Variants in FBXW7 observed in about 807,000 individuals in gnomAD.
FBXW7 encodes the protein F-box/WD repeat-containing protein 7.
A neutral mutation model predicts 86.3 loss-of-function variants in FBXW7; 11 were observed. The observed-to-expected ratio is 0.13, with a 90% CI of 0.08 to 0.21. FBXW7 has a LOEUF of 0.21. FBXW7 is among the 10% of genes least tolerant of loss of function. The probability of loss-of-function intolerance (pLI) is 1.00; values close to 1 mark genes in which losing one functional copy is unlikely to be tolerated. For missense variants in FBXW7, 488 were observed against 847.4 expected, an observed-to-expected ratio of 0.58 and a Z score of 5.27; for synonymous variants, 313 against 297.9, an observed-to-expected ratio of 1.05 and a Z score of -0.52.
intron 4 of FBXW7, among the ~76,000 whole-genome samples, chr4:152,407,306 C>T (rs1265853533): frequency 6.6e-6 from 1 of 152,148 alleles, no homozygotes; most frequent in Non-Finnish European, 1.5e-5. Context: ...TTTCCTCCTT[C>T]ACAAAGGTAG....
chr4:152,374,805 A>G (rs920733392), intron 4 of FBXW7, among the ~76,000 whole-genome samples: 1 of 151,984 alleles, frequency 6.6e-6, no homozygotes, highest in African/African-American at 2.4e-5. Flanking sequence ...GAGAGAGGTA[A>G]GCTGGACCAT....
chr4:152,351,081 T>C (rs1028233800), intron 4 of FBXW7, among the ~76,000 whole-genome samples: 1 of 152,058 alleles, frequency 6.6e-6, no homozygotes, highest in Non-Finnish European at 1.5e-5. Flanking sequence ...AATCACTGTA[T>C]TACTGCAAGT....
In FBXW7 at chr4:152,322,324, CAAAA is replaced by C. The variant is rs3841114; in HGVS notation, c.*553_*556del. Reference sequence around the variant, plus strand: ...ATTGATTGACATTGGCAATGGTTGGCAAAAAAAAAAAAAAAAAAGCTTTTCATGA... The same window carrying C: ...ATTGATTGACATTGGCAATGGTTGGCAAAAAAAAAAAAAAGCTTTTCATGA... On this transcript the variant is annotated 3_prime_UTR_variant, in exon 14 of 14. Transcript: ENST00000281708. 855 of 164,434 alleles carry C rather than the reference CAAAA, an allele frequency of 5.2e-3. No individual in the cohort carries two copies. Among genetic ancestry groups the C allele is most frequent in the Middle Eastern group, 0.015 (9 of 602 alleles). 10.2% of individuals were successfully genotyped at this position (164,434 alleles called of 1,614,324 possible).
chr4:152,382,212 C>T (rs1239472441), intron 4 of FBXW7: 2 of 1,556,054 alleles, frequency 1.3e-6, no homozygotes, highest in Non-Finnish European at 8.7e-7. Flanking sequence ...AAAGGGAGGC[C>T]TTGGGCAATG....
intron 2 of FBXW7, among the ~76,000 whole-genome samples, chr4:152,420,050 T>C (rs1161455920): frequency 6.6e-6 from 1 of 152,228 alleles, no homozygotes; most frequent in Non-Finnish European, 1.5e-5. Context: ...GACAGCATTT[T>C]ACCTAACTGT....
At chr4:152,376,993 C>G (rs889938427) in intron 4 of FBXW7, among the ~76,000 whole-genome samples, 1 of 151,830 alleles carries the variant, frequency 6.6e-6, no homozygotes, top group Non-Finnish European at 1.5e-5. Flanking sequence ...TATAAAGGGA[C>G]GGTGCTACAA....
intron 2 of FBXW7, among the ~76,000 whole-genome samples, chr4:152,498,762 T>C (rs1746622375): frequency 6.6e-6 from 1 of 152,118 alleles, no homozygotes; most frequent in South Asian, 2.1e-4. Flanking sequence ...ATAACAATAG[T>C]GGAGCTCAAG....
At chr4:152,500,969 T>C (rs546153195) in intron 2 of FBXW7, among the ~76,000 whole-genome samples, 59 of 152,216 alleles carry the variant, frequency 3.9e-4, no homozygotes, top group Non-Finnish European at 7.2e-4. Context: ...GGCAGCATTA[T>C]GGTACTCAAA....
chr4:152,445,537 C>G (rs1458415144), intron 2 of FBXW7, among the ~76,000 whole-genome samples: 1 of 152,148 alleles, frequency 6.6e-6, no homozygotes, highest in African/African-American at 2.4e-5. Flanking sequence ...GTTGTAGAAC[C>G]TCTCTGAGCT....
intron 10 of FBXW7, 50 bp from the exon 11 acceptor site, chr4:152,328,439 T>C: frequency 8.0e-7 from 1 of 1,257,658 alleles, no homozygotes; most frequent in Non-Finnish European, 1.1e-6. Context: ...GAAAAGTGAT[T>C]TAAATAAAAT....
intron 2 of FBXW7, among the ~76,000 whole-genome samples, chr4:152,499,500 T>C (rs1172151306): frequency 6.6e-6 from 1 of 152,126 alleles, no homozygotes; most frequent in Non-Finnish European, 1.5e-5. Context: ...TGACAGATTA[T>C]AACTAAGCCT....
intron 6 of FBXW7, among the ~76,000 whole-genome samples, chr4:152,344,891 T>C (rs1731103902): frequency 6.6e-6 from 1 of 152,196 alleles, no homozygotes; most frequent in Non-Finnish European, 1.5e-5. Context: ...AGCCTTTTCA[T>C]ATAAAATAAG....
intron 2 of FBXW7, among the ~76,000 whole-genome samples, chr4:152,454,812 T>C (rs906460254): frequency 2.0e-5 from 3 of 152,120 alleles, no homozygotes; most frequent in Admixed American, 6.6e-5. Flanking sequence ...TATTTGTAAG[T>C]TGTATCCACT....
chr4:152,349,506 T>G (rs902948075), intron 5 of FBXW7, among the ~76,000 whole-genome samples: 17 of 152,034 alleles, frequency 1.1e-4, no homozygotes, highest in Admixed American at 7.9e-4. Flanking sequence ...AGAAAAAGAT[T>G]ACAATTATGT....
intron 2 of FBXW7, among the ~76,000 whole-genome samples, chr4:152,508,441 A>T (rs1372182719): frequency 1.3e-5 from 2 of 152,140 alleles, no homozygotes. Flanking sequence ...TTGTAATCCC[A>T]ACACCTTGGG....
chr4:152,448,806 C>T (rs1400123200), intron 2 of FBXW7, among the ~76,000 whole-genome samples: 1 of 152,206 alleles, frequency 6.6e-6, no homozygotes, highest in Non-Finnish European at 1.5e-5. Context: ...CTCCCAGCTA[C>T]TCTTTAGAAA....
chr4:152,461,895 C>T (rs1375282184), intron 2 of FBXW7, among the ~76,000 whole-genome samples: 2 of 152,186 alleles, frequency 1.3e-5, no homozygotes. Flanking sequence ...ACACAAACAG[C>T]AAGGTCCTTG....
At chr4:152,473,678 CT>C in intron 2 of FBXW7, among the ~76,000 whole-genome samples, 2 of 152,092 alleles carry the variant, frequency 1.3e-5, no homozygotes, top group South Asian at 4.2e-4. Context: ...GAAACTGGGT[CT>C]TGTTATGTTG....
chr4:152,326,281 T>A (rs1337754224), intron 11 of FBXW7, 50 bp from the exon 12 acceptor site: 1 of 1,458,088 alleles, frequency 6.9e-7, no homozygotes, highest in Non-Finnish European at 9.4e-7. Flanking sequence ...AACCCACGTT[T>A]AGAATTTTTA....
Sources: allele counts gnomAD v4.1 joint callset (sites outside exome capture counted in the v4.1 genomes callset), GRCh38; gene constraint gnomAD v4.1.1; transcripts MANE v1.5; gene names NCBI Gene and HGNC (gene_info 2026-07-23, HGNC 2026-07-21).